Variants in TAS2R1 observed in about 807,000 individuals in gnomAD.
The protein encoded by TAS2R1 is taste 2 receptor member 1, also known as taste receptor type 2 member 1.
For synonymous variants in TAS2R1, 141 were observed against 134.2 expected, an observed-to-expected ratio of 1.05 and a Z score of -0.35; for missense variants, 370 against 353.4, an observed-to-expected ratio of 1.05 and a Z score of -0.38.
At chr5:9,699,206 ATGATTAGAAT>A (rs1375536786) in intron 1 of TAS2R1, among the ~76,000 whole-genome samples, 1 of 152,364 alleles carries the variant, frequency 6.6e-6, no homozygotes, top group East Asian at 1.9e-4. Flanking sequence ...ACTAAACACA[ATGATTAGAAT>A]ATCTATTTCA....
At chr5:9,653,150 T>C (rs938412211) in intron 2 of TAS2R1, among the ~76,000 whole-genome samples, 3 of 152,254 alleles carry the variant, frequency 2.0e-5, no homozygotes, top group Non-Finnish European at 4.4e-5. Flanking sequence ...TTTTGCCTTC[T>C]GTGACTAGCT....
the TAS2R1 span, among the ~76,000 whole-genome samples, chr5:9,868,289 C>A: frequency 1.3e-5 from 2 of 152,368 alleles, no homozygotes; most frequent in East Asian, 3.9e-4. Flanking sequence ...GCCCCTGAAG[C>A]AAACTTCTGC....
chr5:9,891,959 C>G, the TAS2R1 span, among the ~76,000 whole-genome samples: 1 of 152,166 alleles, frequency 6.6e-6, no homozygotes, highest in Non-Finnish European at 1.5e-5. Context: ...TCCCCAGGAC[C>G]CCATGGGCTG....
At chr5:9,899,022 T>C in the TAS2R1 span, among the ~76,000 whole-genome samples, 2 of 152,204 alleles carry the variant, frequency 1.3e-5, no homozygotes, top group South Asian at 2.1e-4. Context: ...GTGCCTACCA[T>C]TGGAATGTGT....
chr5:9,691,369 G>A (rs566301710), intron 1 of TAS2R1, among the ~76,000 whole-genome samples: 10 of 152,314 alleles, frequency 6.6e-5, no homozygotes, highest in East Asian at 1.9e-4. Context: ...CCTTCATTTC[G>A]GACTTCTGGC....
At chr5:9,797,816 G>A in the TAS2R1 span, among the ~76,000 whole-genome samples, 136 of 152,118 alleles carry the variant, frequency 8.9e-4, no homozygotes, top group African/African-American at 3.0e-3. Context: ...AAAAATCTAC[G>A]TAGATTTTAA....
chr5:9,802,397 G>A, the TAS2R1 span, among the ~76,000 whole-genome samples: 2 of 152,178 alleles, frequency 1.3e-5, no homozygotes, highest in East Asian at 3.9e-4. Context: ...CATCAAAGGA[G>A]CACCCCGTGG....
chr5:9,774,739 G>C, the TAS2R1 span, among the ~76,000 whole-genome samples: 1 of 152,232 alleles, frequency 6.6e-6, no homozygotes, highest in Non-Finnish European at 1.5e-5. Context: ...TAATTCTCTG[G>C]ATTACCAGGC....
At chr5:9,895,832 CAG>C in the TAS2R1 span, among the ~76,000 whole-genome samples, 25 of 152,306 alleles carry the variant, frequency 1.6e-4, no homozygotes, top group African/African-American at 5.5e-4. Context: ...TAATAAGAAA[CAG>C]AGAGTCCAGC....
At chr5:9,678,459 C>T (rs1740922397) in intron 1 of TAS2R1, among the ~76,000 whole-genome samples, 1 of 152,146 alleles carries the variant, frequency 6.6e-6, no homozygotes, top group African/African-American at 2.4e-5. Context: ...ATAGATCATT[C>T]TATCATAAAT....
At chr5:9,805,596 T>C in the TAS2R1 span, among the ~76,000 whole-genome samples, 34 of 152,002 alleles carry the variant, frequency 2.2e-4, 1 homozygote, top group Middle Eastern at 3.2e-3. Flanking sequence ...GTATAACATA[T>C]GTAAGTCAAT....
intron 1 of TAS2R1, among the ~76,000 whole-genome samples, chr5:9,703,755 A>C (rs546345529): frequency 6.6e-6 from 1 of 152,168 alleles, no homozygotes; most frequent in Non-Finnish European, 1.5e-5. Flanking sequence ...CTTACATTGC[A>C]TCTGTGCCTA....
chr5:9,844,593 A>G, the TAS2R1 span, among the ~76,000 whole-genome samples: 2 of 152,178 alleles, frequency 1.3e-5, no homozygotes, highest in African/African-American at 2.4e-5. Flanking sequence ...TCACTTATTT[A>G]CGTGATTATT....
chr5:9,888,599 C>T, the TAS2R1 span, among the ~76,000 whole-genome samples: 1 of 152,152 alleles, frequency 6.6e-6, no homozygotes, highest in Admixed American at 6.5e-5. Flanking sequence ...CTGTGTGCAA[C>T]GGTGAGGAAA....
At chr5:9,849,589 C>A in the TAS2R1 span, among the ~76,000 whole-genome samples, 1 of 152,148 alleles carries the variant, frequency 6.6e-6, no homozygotes, top group Non-Finnish European at 1.5e-5. Context: ...CTTCTGTGTT[C>A]CCCCCTCCTC....
At chr5:9,734,515 GC>G in the TAS2R1 span, among the ~76,000 whole-genome samples, 1 of 146,546 alleles carries the variant, frequency 6.8e-6, no homozygotes, top group African/African-American at 2.5e-5. Flanking sequence ...AGGTTTTTTT[GC>G]CAATGTGTGA....
the TAS2R1 span, among the ~76,000 whole-genome samples, chr5:9,834,820 C>G: frequency 6.6e-6 from 1 of 151,744 alleles, no homozygotes; most frequent in African/African-American, 2.4e-5. Context: ...AGAGTTCTTA[C>G]GGGGAGAAGC....
At chr5:9,640,061 G>A (rs928391612) in intron 2 of TAS2R1, among the ~76,000 whole-genome samples, 6 of 152,116 alleles carry the variant, frequency 3.9e-5, no homozygotes, top group Admixed American at 3.3e-4. Context: ...TTCTCACTAA[G>A]ATTAACCATT....
At chr5:9,640,248 CACA>C (rs1740043841) in intron 2 of TAS2R1, among the ~76,000 whole-genome samples, 1 of 151,920 alleles carries the variant, frequency 6.6e-6, no homozygotes, top group South Asian at 2.1e-4. Context: ...TCAGAACACA[CACA>C]ACATTTATCA....
Sources: allele counts gnomAD v4.1 joint callset (sites outside exome capture counted in the v4.1 genomes callset), GRCh38; gene constraint gnomAD v4.1.1; transcripts MANE v1.5; gene names NCBI Gene and HGNC (gene_info 2026-07-23, HGNC 2026-07-21).